The following ZMYM2 variants were observed in gnomAD, a reference collection of about 807,000 sequenced individuals.
ZMYM2 encodes zinc finger MYM-type protein 2.
In ZMYM2, 56 loss-of-function variants were observed where a neutral mutation model predicts 162.8. The ratio of observed to expected loss-of-function variants is 0.34; its 90% CI spans 0.28 to 0.43. ZMYM2 has a LOEUF of 0.43. ZMYM2 is among the 20% of genes least tolerant of loss of function. The probability of loss-of-function intolerance (pLI) is 1.00; values close to 1 mark genes in which losing one functional copy is unlikely to be tolerated. For missense variants in ZMYM2, 1,275 were observed against 1,621.8 expected, an observed-to-expected ratio of 0.79 and a Z score of 3.67; for synonymous variants, 510 against 541.6, an observed-to-expected ratio of 0.94 and a Z score of 0.81.
intron 18 of ZMYM2, among the ~76,000 whole-genome samples, chr13:20,064,220 A>T (rs551405501): frequency 6.6e-6 from 1 of 152,170 alleles, no homozygotes; most frequent in African/African-American, 2.4e-5. Context: ...ATACATTTTC[A>T]TGAAAATTTT....
chr13:20,076,712 G>A (rs1050105567), intron 21 of ZMYM2, among the ~76,000 whole-genome samples: 1 of 150,530 alleles, frequency 6.6e-6, no homozygotes. Context: ...AACTCACAGT[G>A]TGGCTTGTTA....
At chr13:19,957,202 C>T (rs565356290), upstream of ZMYM2, among the ~76,000 whole-genome samples, 54 of 151,826 alleles carry the variant, frequency 3.6e-4, no homozygotes, top group South Asian at 0.011. Flanking sequence ...CTGTAAGTTG[C>T]GTCTATTAGT....
At chr13:20,040,142 G>C (rs1467981479) in intron 12 of ZMYM2, among the ~76,000 whole-genome samples, 1 of 152,176 alleles carries the variant, frequency 6.6e-6, no homozygotes, top group Non-Finnish European at 1.5e-5. Context: ...CAATTTTTTG[G>C]AATAGTTTCA....
intron 21 of ZMYM2, among the ~76,000 whole-genome samples, chr13:20,072,334 G>A (rs1477332182): frequency 2.0e-5 from 3 of 152,064 alleles, no homozygotes; most frequent in African/African-American, 7.2e-5. Context: ...CAGCCTGGCC[G>A]ACATGGTGAA....
At chr13:19,885,968 T>C in the ZMYM2 span, among the ~76,000 whole-genome samples, 2 of 101,952 alleles carry the variant, frequency 2.0e-5, 1 homozygote, top group Non-Finnish European at 4.2e-5. Context: ...TATATGTGTA[T>C]ACACATATAT....
chr13:20,051,734 G>C, intron 13 of ZMYM2, 136 bp downstream of exon 13: 1 of 846,590 alleles, frequency 1.2e-6, no homozygotes, highest in Non-Finnish European at 1.7e-6. Context: ...GATTCTCTGG[G>C]TCGAAGTACC....
the ZMYM2 span, among the ~76,000 whole-genome samples, chr13:19,894,933 T>C: frequency 6.6e-6 from 1 of 150,968 alleles, no homozygotes; most frequent in Admixed American, 6.6e-5. Context: ...TCTATAAAAA[T>C]AAAAAATTAG....
At chr13:19,884,608 G>A in the ZMYM2 span, among the ~76,000 whole-genome samples, 65 of 152,118 alleles carry the variant, frequency 4.3e-4, no homozygotes, top group Admixed American at 1.4e-3. Context: ...CTCACGGTGA[G>A]TATTACAGCT....
chr13:19,998,269 TC>T (rs1215986728), intron 3 of ZMYM2, among the ~76,000 whole-genome samples: 5 of 152,216 alleles, frequency 3.3e-5, no homozygotes, highest in Admixed American at 3.3e-4. Context: ...TTAGGCCTTT[TC>T]TATTCCTAAA....
chr13:20,031,185 T>G (rs1953095772), intron 9 of ZMYM2, 134 bp from the exon 10 acceptor site: 1 of 539,208 alleles, frequency 1.9e-6, no homozygotes, highest in Non-Finnish European at 3.1e-6. Flanking sequence ...AATTTGGAAA[T>G]GAGTTTTATG....
At chr13:20,004,285 C>T (rs939822502) in intron 4 of ZMYM2, among the ~76,000 whole-genome samples, 15 of 151,962 alleles carry the variant, frequency 9.9e-5, no homozygotes, top group Admixed American at 5.9e-4. Context: ...GACGGATTCT[C>T]GCTCTGTCGC....
the ZMYM2 span, among the ~76,000 whole-genome samples, chr13:19,885,117 G>C: frequency 1.4e-4 from 22 of 152,144 alleles, no homozygotes; most frequent in Non-Finnish European, 2.9e-4. Flanking sequence ...CCGACCCAGA[G>C]GGCCCAGCTG....
At chr13:19,918,197 C>A in the ZMYM2 span, among the ~76,000 whole-genome samples, 4 of 152,130 alleles carry the variant, frequency 2.6e-5, no homozygotes, top group Non-Finnish European at 5.9e-5. Context: ...GTAATCCCAG[C>A]ACTTTGGGAG....
At chr13:20,061,365 A>AG in intron 17 of ZMYM2, 141 bp downstream of exon 17, 2 of 716,896 alleles carry the variant, frequency 2.8e-6, no homozygotes, top group South Asian at 2.8e-5. Flanking sequence ...AATGTTTTTT[A>AG]TATTAAGAGA....
chr13:20,006,224 C>A, intron 5 of ZMYM2, 150 bp from the exon 6 acceptor site: 1 of 708,216 alleles, frequency 1.4e-6, no homozygotes, highest in Non-Finnish European at 2.1e-6. Flanking sequence ...TGAGTGAGAC[C>A]CTGTCTTTAA....
the ZMYM2 span, among the ~76,000 whole-genome samples, chr13:19,896,486 G>A: frequency 6.6e-6 from 1 of 151,022 alleles, no homozygotes; most frequent in Non-Finnish European, 1.5e-5. Flanking sequence ...GCTGAGCGTG[G>A]TGGCTCACGC....
At chr13:20,008,701 C>A (rs1192867585) in intron 6 of ZMYM2, among the ~76,000 whole-genome samples, 1 of 152,048 alleles carries the variant, frequency 6.6e-6, no homozygotes, top group Non-Finnish European at 1.5e-5. Context: ...GGTACTTTTG[C>A]ATTGATATTT....
chr13:19,992,281 A>G (rs764106887), intron 2 of ZMYM2, among the ~76,000 whole-genome samples: 2 of 152,228 alleles, frequency 1.3e-5, no homozygotes, highest in Non-Finnish European at 2.9e-5. Flanking sequence ...GGCCAGGCAC[A>G]ATGGCCCATG....
chr13:20,049,093 G>A (rs1305061306), intron 12 of ZMYM2, among the ~76,000 whole-genome samples: 1 of 151,818 alleles, frequency 6.6e-6, no homozygotes, highest in Non-Finnish European at 1.5e-5. Context: ...TGCATGAGTG[G>A]ATGTCAAAGA....
Sources: gnomAD v4.1 joint callset for allele counts (sites outside exome capture counted in the v4.1 genomes callset) on GRCh38, gnomAD v4.1.1 for gene constraint, MANE v1.5 for transcripts, NCBI Gene and HGNC (gene_info 2026-07-23, HGNC 2026-07-21) for gene names.